MSRB3: variants seen among roughly 807,000 people sequenced by gnomAD.
MSRB3 encodes the protein methionine sulfoxide reductase B3.
In MSRB3, 13 loss-of-function variants were observed where a neutral mutation model predicts 21.0. The ratio of observed to expected loss-of-function variants is 0.62; its 90% confidence interval spans 0.40 to 0.98. The LOEUF is 0.98. MSRB3 is among the 50% of genes least tolerant of loss of function. The pLI, the probability that MSRB3 is intolerant of heterozygous loss-of-function variation, is 0.00. For missense variants in MSRB3, 199 were observed against 230.3 expected (o/e 0.86, Z 0.88); for synonymous variants, 87 against 88.6 (o/e 0.98, Z 0.10).
At chr12:65,342,466 A>G (rs953961645) in intron 4 of MSRB3, among the ~76,000 whole-genome samples, 3 of 152,036 alleles carry the variant, frequency 2.0e-5, no homozygotes, top group African/African-American at 7.2e-5. Context: ...AAGATTTCCA[A>G]TATTGTCAAA....
Position 65,326,829 on chromosome 12 carries a change from C to G in MSRB3, c.80C>G (p.Ser27Trp), listed in dbSNP as rs370812570. Reference sequence around the variant, plus strand: ...CCCATATCCTCTCTCTTTTCAGGGTCGTGTAGGGATAAAAAGAACTGTAAG... The same window carrying G: ...CCCATATCCTCTCTCTTTTCAGGGTGGTGTAGGGATAAAAAGAACTGTAAG... The part of the protein sequence containing the change: ...ALRACGLPSG[S>W]CRDKKNCKVV... The change falls in exon 3 of 7, where the codon TCG becomes TGG. Residue 27 changes from serine (S) to tryptophan (W), a missense_variant. Ser to Trp is a radical substitution (Grantham distance 177). Transcript: ENST00000308259. The G allele has an allele frequency of 2.7e-5, 44 of 1,612,412 alleles. No homozygotes were observed. In the Middle Eastern group the frequency reaches 4.9e-4, roughly 18 times the overall value.
intron 4 of MSRB3, among the ~76,000 whole-genome samples, chr12:65,365,001 T>G (rs1160337829): frequency 6.6e-6 from 1 of 152,142 alleles, no homozygotes; most frequent in African/African-American, 2.4e-5. Context: ...GCACCTTACG[T>G]GTATATTTTA....
chr12:65,338,763 C>G (rs1282701608), intron 4 of MSRB3, among the ~76,000 whole-genome samples: 2 of 152,122 alleles, frequency 1.3e-5, no homozygotes, highest in Admixed American at 6.6e-5. Context: ...TTTGCCAATT[C>G]TAGGCATGAG....
chr12:65,337,209 C>T (rs932964459), intron 4 of MSRB3, among the ~76,000 whole-genome samples: 4 of 151,974 alleles, frequency 2.6e-5, no homozygotes, highest in Non-Finnish European at 4.4e-5. Flanking sequence ...CGCCACAGCA[C>T]TCCCGCCTGG....
chr12:65,284,460 G>C (rs1565813580), intron 1 of MSRB3: 1 of 152,230 alleles, frequency 6.6e-6, no homozygotes, highest in African/African-American at 2.4e-5. Context: ...TTAAGCCTGG[G>C]TGATGGAGAG....
chr12:65,308,566 A>G lies in MSRB3; in HGVS notation c.-14A>G. On this transcript the variant is annotated 5_prime_UTR_variant, in exon 2 of 7. The change abolishes the stop of an existing upstream ORF in the 5' untranslated region. Transcript: ENST00000308259. ...TTCTTTGCTTCTCGTTTTGTTGGTG[A>G]AGATATCACAGTGATGTCTGCATTC... is the stretch of plus-strand genomic sequence containing the variant. 6.2e-7 allele frequency: 1 copy of G among 1,613,734 alleles called. No homozygotes were observed. The highest frequency in any genetic ancestry group is 2.2e-5 in the East Asian group (1 of 44,868).
chr12:65,440,363 A>G (rs908507552), intron 5 of MSRB3, among the ~76,000 whole-genome samples: 1 of 151,890 alleles, frequency 6.6e-6, no homozygotes, highest in Non-Finnish European at 1.5e-5. Context: ...ATATAGAAGA[A>G]TAATTATAAT....
At chr12:65,308,762 C>A in intron 2 of MSRB3, 107 bp downstream of exon 2, 1 of 1,509,554 alleles carries the variant, frequency 6.6e-7, no homozygotes, top group Non-Finnish European at 9.1e-7. Flanking sequence ...TTTTCTTTTA[C>A]TTGGGCCCTA....
chr12:65,331,236 G>A (rs1381394550), intron 4 of MSRB3, among the ~76,000 whole-genome samples: 2 of 152,190 alleles, frequency 1.3e-5, no homozygotes, highest in Non-Finnish European at 1.5e-5. Context: ...AGAATACACA[G>A]TATTTTGAAC....
At chr12:65,384,895 TTAACTC>T (rs1879131399) in intron 5 of MSRB3, among the ~76,000 whole-genome samples, 1 of 152,140 alleles carries the variant, frequency 6.6e-6, no homozygotes, top group Non-Finnish European at 1.5e-5. Context: ...TTTAGAAAGT[TTAACTC>T]TAAATGTTTT....
chr12:65,294,171 G>T (rs1279326713), intron 1 of MSRB3, among the ~76,000 whole-genome samples: 1 of 152,174 alleles, frequency 6.6e-6, no homozygotes, highest in Non-Finnish European at 1.5e-5. Flanking sequence ...CATTGCCACA[G>T]AACCCTTGTT....
chr12:65,352,517 T>C (rs1430382787), intron 4 of MSRB3, among the ~76,000 whole-genome samples: 2 of 151,768 alleles, frequency 1.3e-5, no homozygotes, highest in Non-Finnish European at 2.9e-5. Flanking sequence ...AAAGAAGAAG[T>C]CAAATTGTCC....
chr12:65,351,836 A>G (rs1376110304), intron 4 of MSRB3, among the ~76,000 whole-genome samples: 1 of 152,142 alleles, frequency 6.6e-6, no homozygotes, highest in Non-Finnish European at 1.5e-5. Context: ...TTACCAACCA[A>G]AAAGAGTCCA....
chr12:65,460,218 G>A (rs1883259762), intron 6 of MSRB3, among the ~76,000 whole-genome samples: 1 of 152,210 alleles, frequency 6.6e-6, no homozygotes, highest in African/African-American at 2.4e-5. Flanking sequence ...CCAGTTGGCT[G>A]GGGCCTGGGA....
At chr12:65,454,098 A>G (rs375981981) in intron 6 of MSRB3, 15 of 611,918 alleles carry the variant, frequency 2.5e-5, no homozygotes, top group African/African-American at 9.2e-5. Flanking sequence ...AGTCCGGGCA[A>G]CCTAGTGAGA....
At chr12:65,368,757 A>G (rs566634936) in intron 4 of MSRB3, among the ~76,000 whole-genome samples, 2 of 152,300 alleles carry the variant, frequency 1.3e-5, no homozygotes, top group African/African-American at 4.8e-5. Flanking sequence ...CCCAAAAACA[A>G]ATTTAAAAAG....
intron 1 of MSRB3, among the ~76,000 whole-genome samples, chr12:65,299,420 T>TA (rs2136408258): frequency 6.6e-6 from 1 of 152,338 alleles, no homozygotes; most frequent in East Asian, 1.9e-4. Context: ...TCAAGTGCCT[T>TA]ACTTCTCAGG....
chr12:65,299,416 G>T (rs1452526900), intron 1 of MSRB3, among the ~76,000 whole-genome samples: 1 of 152,140 alleles, frequency 6.6e-6, no homozygotes, highest in Admixed American at 6.5e-5. Flanking sequence ...CTCATCAAGT[G>T]CCTTACTTCT....
At chr12:65,443,999 T>A (rs965865459) in intron 5 of MSRB3, among the ~76,000 whole-genome samples, 1 of 152,216 alleles carries the variant, frequency 6.6e-6, no homozygotes, top group African/African-American at 2.4e-5. Flanking sequence ...TATGTGATAT[T>A]TTCTTTATAA....
Sources: gnomAD v4.1 joint callset for allele counts (sites outside exome capture counted in the v4.1 genomes callset) on GRCh38, gnomAD v4.1.1 for gene constraint, MANE v1.5 for transcripts, NCBI Gene and HGNC (gene_info 2026-07-23, HGNC 2026-07-21) for gene names.